LRRIQ1: variants seen among roughly 807,000 people sequenced by gnomAD.
LRRIQ1 encodes the protein leucine rich repeats and IQ motif containing 1, also known as leucine-rich repeat- and IQ domain-containing protein 1.
In LRRIQ1, 210 loss-of-function variants were observed where a neutral mutation model predicts 211.9. The observed-to-expected ratio is 0.99, with a 90% CI of 0.89 to 1.11. The LOEUF (loss-of-function observed/expected upper bound fraction) is 1.11, where lower values mean the gene tolerates loss of function less well. Among genes scored for constraint, LRRIQ1 ranks in the 50% most tolerant of loss-of-function variants. The pLI is 0.00. For synonymous variants in LRRIQ1, 699 were observed against 650.1 expected (o/e 1.08, Z -1.14); for missense variants, 2,136 against 1,939.5 (o/e 1.10, Z -1.90).
At chr12:85,188,859 A>G (rs989201974) in intron 24 of LRRIQ1, among the ~76,000 whole-genome samples, 2 of 152,102 alleles carry the variant, frequency 1.3e-5, no homozygotes, top group Non-Finnish European at 2.9e-5. Context: ...CACCTCTATT[A>G]CACATAAAAT....
At chr12:85,187,570 G>A (rs990237324) in intron 24 of LRRIQ1, among the ~76,000 whole-genome samples, 4 of 152,062 alleles carry the variant, frequency 2.6e-5, no homozygotes, top group Non-Finnish European at 5.9e-5. Context: ...ACTTTGGGAG[G>A]CCAAGGCAGG....
At chr12:85,262,833 G>A (rs984513412) in intron 1 of LRRIQ1, 1 of 686,122 alleles carries the variant, frequency 1.5e-6, no homozygotes, top group Admixed American at 6.3e-5. Context: ...GCATGTTTTT[G>A]ACTTAAATAT....
chr12:85,224,660 C>T (rs1363905473), intron 24 of LRRIQ1, among the ~76,000 whole-genome samples: 1 of 145,376 alleles, frequency 6.9e-6, no homozygotes, highest in Non-Finnish European at 1.5e-5. Context: ...CACATGTTCT[C>T]ACTCATAATT....
At chr12:85,263,597 G>T (rs1593038057) in exon 2 of LRRIQ1, 1 of 151,754 alleles carries the variant, frequency 6.6e-6, no homozygotes, top group African/African-American at 2.4e-5. Context: ...ATGATAAAAT[G>T]TATAGTCAGT....
intron 8 of LRRIQ1, among the ~76,000 whole-genome samples, chr12:85,061,767 G>A (rs1228447760): frequency 2.0e-5 from 3 of 151,736 alleles, no homozygotes; most frequent in African/African-American, 4.8e-5. Flanking sequence ...TAACTAGGCA[G>A]TATATAGAAG....
At chr12:85,140,666 C>T (rs1032799193) in intron 19 of LRRIQ1, among the ~76,000 whole-genome samples, 4 of 150,804 alleles carry the variant, frequency 2.7e-5, no homozygotes, top group Non-Finnish European at 3.0e-5. Context: ...TTTTCTAGTT[C>T]TTTGTCTCAG....
rs527864780 is a variant in LRRIQ1, at chr12:85,176,009, G to A, written c.4822+15295G>A. Among the ~76,000 whole-genome samples, 21 of 152,138 alleles carry A rather than the reference G, an allele frequency of 1.4e-4. No homozygotes were observed. The South Asian group carries it at 1.5e-3, about 11-fold the overall frequency. On this transcript the variant is annotated intron_variant, in intron 24 of 26. Transcript: ENST00000393217. ...TGCGGGCTCTTTTTTGATTCCATAT[G>A]AACTTTAAAGTAGTTTTTTCCAATT... is the stretch of plus-strand genomic sequence containing the variant.
At chr12:85,137,192 C>G (rs1299761749) in intron 18 of LRRIQ1, among the ~76,000 whole-genome samples, 2 of 150,970 alleles carry the variant, frequency 1.3e-5, no homozygotes, top group Non-Finnish European at 3.0e-5. Flanking sequence ...ACTTATTTCT[C>G]CCTTGGTTTT....
At chr12:85,058,605 C>T (rs1346492981) in intron 8 of LRRIQ1, among the ~76,000 whole-genome samples, 1 of 151,980 alleles carries the variant, frequency 6.6e-6, no homozygotes, top group East Asian at 1.9e-4. Context: ...GTGTGAGCCT[C>T]TTTCTCCTTG....
At chr12:85,114,388 C>T (rs1003036818) in intron 15 of LRRIQ1, among the ~76,000 whole-genome samples, 1 of 152,130 alleles carries the variant, frequency 6.6e-6, no homozygotes, top group African/African-American at 2.4e-5. Context: ...AATTATCTTG[C>T]TGATCTGGTG....
intron 19 of LRRIQ1, 150 bp downstream of exon 19, chr12:85,138,119 C>A: frequency 1.8e-6 from 1 of 543,716 alleles, no homozygotes. Context: ...ACATCATCTT[C>A]TTTTATCCTA....
At chr12:85,190,528 AAAT>A (rs1892456886) in intron 24 of LRRIQ1, among the ~76,000 whole-genome samples, 1 of 148,778 alleles carries the variant, frequency 6.7e-6, no homozygotes, top group Non-Finnish European at 1.5e-5. Context: ...AAGTGAACAT[AAAT>A]AATAGTATAT....
intron 10 of LRRIQ1, among the ~76,000 whole-genome samples, chr12:85,068,936 T>C (rs1158401516): frequency 6.6e-6 from 1 of 150,930 alleles, no homozygotes; most frequent in Non-Finnish European, 1.5e-5. Flanking sequence ...TTTATTTATT[T>C]ATTTAATTTT....
chr12:85,245,840 G>A (rs1488272774), downstream of LRRIQ1, among the ~76,000 whole-genome samples: 1 of 150,550 alleles, frequency 6.6e-6, no homozygotes, highest in African/African-American at 2.4e-5. Context: ...ATTTTTGAAA[G>A]AGTTGTATTA....
At chr12:85,106,700 A>G in intron 15 of LRRIQ1, 85 bp downstream of exon 15, 2 of 844,612 alleles carry the variant, frequency 2.4e-6, no homozygotes. Flanking sequence ...GTGAATAACA[A>G]TTACCTAGGA....
chr12:85,161,996 G>A (rs950718964), intron 24 of LRRIQ1, among the ~76,000 whole-genome samples: 4 of 151,488 alleles, frequency 2.6e-5, no homozygotes, highest in Non-Finnish European at 5.9e-5. Flanking sequence ...CCAAGATCGC[G>A]CCACTGCACT....
At chr12:85,186,016 AATC>A (rs1375741919) in intron 24 of LRRIQ1, among the ~76,000 whole-genome samples, 3 of 152,036 alleles carry the variant, frequency 2.0e-5, no homozygotes, top group Non-Finnish European at 2.9e-5. Flanking sequence ...ATGAAGTTTA[AATC>A]ATATTACCAC....
intron 18 of LRRIQ1, among the ~76,000 whole-genome samples, chr12:85,135,390 C>T (rs1333235182): frequency 6.6e-6 from 1 of 151,492 alleles, no homozygotes; most frequent in African/African-American, 2.4e-5. Flanking sequence ...CTGGTTGCCT[C>T]TCTTTAAGGA....
intron 13 of LRRIQ1, among the ~76,000 whole-genome samples, chr12:85,101,810 G>T (rs373118082): frequency 6.6e-6 from 1 of 151,520 alleles, no homozygotes; most frequent in African/African-American, 2.4e-5. Context: ...TTTTCAAAGC[G>T]TATATTTCTT....
Sources: gnomAD v4.1 joint callset for allele counts (sites outside exome capture counted in the v4.1 genomes callset) on GRCh38, gnomAD v4.1.1 for gene constraint, MANE v1.5 for transcripts, NCBI Gene and HGNC (gene_info 2026-07-23, HGNC 2026-07-21) for gene names.